ANGEL2: variants seen among roughly 807,000 people sequenced by gnomAD.
The protein encoded by ANGEL2 is angel homolog 2.
A neutral mutation model predicts 66.0 loss-of-function variants in ANGEL2; 41 were observed. The ratio of observed to expected loss-of-function variants is 0.62; its 90% CI spans 0.48 to 0.81. ANGEL2 has a LOEUF of 0.81. Ranked by LOEUF, ANGEL2 falls within the 30% of genes least tolerant of loss-of-function variation. The pLI is 0.00. For missense variants in ANGEL2, 561 were observed against 641.6 expected (o/e 0.87, Z 1.36); for synonymous variants, 208 against 226.5 (o/e 0.92, Z 0.73).
At chr1:212,996,789 A>G (rs1343437097) in intron 8 of ANGEL2, among the ~76,000 whole-genome samples, 1 of 151,406 alleles carries the variant, frequency 6.6e-6, no homozygotes, top group Non-Finnish European at 1.5e-5. Context: ...AAATTTAAGC[A>G]CAAAACTATG....
intron 1 of ANGEL2, chr1:213,015,368 G>A: frequency 7.1e-7 from 1 of 1,408,920 alleles, no homozygotes; most frequent in Non-Finnish European, 9.2e-7. Flanking sequence ...CTGGCCGGCG[G>A]CCCATGAACT....
chr1:213,008,155 T>C, intron 3 of ANGEL2, 55 bp downstream of exon 3: 1 of 1,564,568 alleles, frequency 6.4e-7, no homozygotes, highest in Non-Finnish European at 8.7e-7. Context: ...TGAGCCAGTG[T>C]GCCCGGCCCC....
intron 8 of ANGEL2, among the ~76,000 whole-genome samples, chr1:212,996,173 G>A (rs972919159): frequency 2.6e-5 from 4 of 152,136 alleles, no homozygotes; most frequent in Admixed American, 6.5e-5. Flanking sequence ...CGGGCATGGT[G>A]GCGGGCGCCT....
intron 2 of ANGEL2, 114 bp downstream of exon 2, chr1:213,012,979 A>T: frequency 9.4e-7 from 1 of 1,062,506 alleles, no homozygotes; most frequent in Non-Finnish European, 1.3e-6. Flanking sequence ...ACTGGCTAAA[A>T]GTCAACACCA....
At chr1:212,996,268 C>T (rs1042891469) in intron 8 of ANGEL2, among the ~76,000 whole-genome samples, 4 of 152,222 alleles carry the variant, frequency 2.6e-5, no homozygotes, top group Admixed American at 6.5e-5. Context: ...GATAGCGCCA[C>T]TGCACTCCAG....
chr1:213,005,503 A>T, intron 4 of ANGEL2, 49 bp from the exon 5 acceptor site: 1 of 1,488,652 alleles, frequency 6.7e-7, no homozygotes, highest in Non-Finnish European at 9.0e-7. Flanking sequence ...TTATATATTT[A>T]TCAAAACACA....
chr1:213,007,099 G>GAAAA (rs202124670), intron 4 of ANGEL2, 30 bp downstream of exon 4: 336 of 1,386,910 alleles, frequency 2.4e-4, no homozygotes, highest in South Asian at 6.9e-4. Flanking sequence ...TCTCAAAAAA[G>GAAAA]AAAAAAAAAA....
chr1:213,007,276 C>T lies in ANGEL2; in HGVS notation c.643-78G>A, dbSNP rs905099007. The T allele has an allele frequency of 2.6e-6, 3 of 1,147,714 alleles. No individual in the cohort carries two copies. In the African/African-American group the frequency reaches 4.8e-5, roughly 18 times the overall value. 71.1% of individuals were successfully genotyped at this position (1,147,714 alleles called of 1,614,324 possible). On this transcript the variant is annotated intron_variant, in intron 3 of 8. Coordinates refer to ENST00000366962, the MANE Select transcript of ANGEL2 (RefSeq NM_144567.5). ...TCCTGGTGCTTTTATCTTAAAATAT[C>T]TAAAAGCAGGCTTCTAAAATTCCAC...
chr1:213,015,702 G>T lies in ANGEL2; in HGVS notation c.-31C>A, dbSNP rs749392979. On this transcript the variant is annotated 5_prime_UTR_variant, in exon 1 of 9. Transcript: ENST00000366962. ...CCCTCCGCGTGCGTCCAGTTCCCAG[G>T]CCCCGGGTTCCACCTCAATCTCTAT... 6.2e-7 allele frequency: 1 copy of T among 1,613,996 alleles called. No individual in the cohort carries two copies. The highest frequency in any genetic ancestry group is 8.5e-7 in the Non-Finnish European group (1 of 1,179,968).
chr1:213,015,275 C>A (rs1438580355), intron 1 of ANGEL2: 11 of 1,167,770 alleles, frequency 9.4e-6, no homozygotes, highest in Non-Finnish European at 1.2e-5. Context: ...GACGGTGCTG[C>A]GGAGTGTGTG....
chr1:213,010,528 C>T (rs992478411), intron 2 of ANGEL2, among the ~76,000 whole-genome samples: 8 of 150,384 alleles, frequency 5.3e-5, no homozygotes, highest in Non-Finnish European at 1.2e-4. Flanking sequence ...GCTGAGATTG[C>T]GCCATTGCAC....
At chr1:213,006,423 C>T (rs1240202388) in intron 4 of ANGEL2, 1 of 149,210 alleles carries the variant, frequency 6.7e-6, no homozygotes, top group Non-Finnish European at 1.5e-5. Flanking sequence ...GAGATTGCAC[C>T]ACTACACTCC....
chr1:213,012,773 C>A (rs1201929522), intron 2 of ANGEL2, among the ~76,000 whole-genome samples: 1 of 152,112 alleles, frequency 6.6e-6, no homozygotes, highest in East Asian at 1.9e-4. Flanking sequence ...GTCTAAGGGC[C>A]TTTGTTTCAA....
chr1:213,015,697 C>G lies in ANGEL2; in HGVS notation c.-26G>C. ...CTTCGCCCTCCGCGTGCGTCCAGTT[C>G]CCAGGCCCCGGGTTCCACCTCAATC... On this transcript the variant is annotated 5_prime_UTR_variant, in exon 1 of 9. Coordinates refer to ENST00000366962, the MANE Select transcript of ANGEL2 (RefSeq NM_144567.5). 1 of 1,614,144 alleles carries G rather than the reference C, an allele frequency of 6.2e-7. No individual in the cohort carries two copies.
chr1:213,007,369 C>A (rs772237236), intron 3 of ANGEL2, among the ~76,000 whole-genome samples, 171 bp from the exon 4 acceptor site: 7 of 152,144 alleles, frequency 4.6e-5, no homozygotes, highest in Non-Finnish European at 8.8e-5. Flanking sequence ...ATTAATGTTT[C>A]CGAATTTTGA....
intron 1 of ANGEL2, chr1:213,015,105 G>GT (rs1486573866): frequency 2.0e-6 from 2 of 986,290 alleles, no homozygotes; most frequent in East Asian, 1.1e-4. Context: ...GGCCATAACA[G>GT]TAAGGGATGA....
chr1:213,015,795 T>A lies in ANGEL2; in HGVS notation c.-124A>T. 7.6e-7 allele frequency: 1 copy of A among 1,314,836 alleles called. No homozygotes were observed. 81.4% of individuals were successfully genotyped at this position (1,314,836 alleles called of 1,614,324 possible). ...CTTAAGTACCGACTCCAGTCCTGGC[T>A]GCAAGGCATGCTGGGAGGTGCAGTC... On this transcript the variant is annotated 5_prime_UTR_variant, in exon 1 of 9. Transcript: ENST00000366962.
At position 213,013,003 on chromosome 1, in the gene ANGEL2, C is replaced by T. The variant is rs961450553; in HGVS notation, c.385+90G>A. On this transcript the variant is annotated intron_variant, in intron 2 of 8. Coordinates refer to ENST00000366962, the MANE Select transcript of ANGEL2 (RefSeq NM_144567.5). ...AAGTCAACACCAAACACCTCTAAAACCTTAGGAGGTTTAAAGGATTAGATA... is the reference window on the plus strand; with the variant it reads ...AAGTCAACACCAAACACCTCTAAAATCTTAGGAGGTTTAAAGGATTAGATA... 4.4e-6 allele frequency: 6 copies of T among 1,354,080 alleles called. 1 individual carries two copies. In the South Asian group the frequency reaches 5.8e-5, roughly 13 times the overall value. The allele number at this position is 1,354,080 out of a possible 1,614,324, so 83.9% of individuals were successfully genotyped here.
Position 212,996,621 on chromosome 1 carries a change from TCC to T in ANGEL2, c.1483+532_1483+533del, listed in dbSNP as rs1280216292. Among the ~76,000 whole-genome samples, 193 of 19,348 alleles carry T rather than the reference TCC, an allele frequency of 1.0e-2. 5 individuals carry two copies. The highest frequency in any genetic ancestry group is 0.14 in the Middle Eastern group (2 of 14). The allele number at this position is 19,348 out of a possible 152,430, so 12.7% of individuals were successfully genotyped here. A position where few individuals can be genotyped will look rare whatever the true frequency, so the allele number is the denominator to read the frequency against. ...CTGGGTAACAGAGCGAGACTCTGTATCCAAAAAAAAAAAAAAAAAATATATAT... is the reference window on the plus strand; with the variant it reads ...CTGGGTAACAGAGCGAGACTCTGTATAAAAAAAAAAAAAAAAAATATATAT... On this transcript the variant is annotated intron_variant, in intron 8 of 8. Transcript: ENST00000366962.
Sources: allele counts gnomAD v4.1 joint callset (sites outside exome capture counted in the v4.1 genomes callset), GRCh38; gene constraint gnomAD v4.1.1; transcripts MANE v1.5; gene names NCBI Gene and HGNC (gene_info 2026-07-23, HGNC 2026-07-21).